Variants in DDX52 observed in about 807,000 individuals in gnomAD.
The protein encoded by DDX52 is DExD-box helicase 52.
Under a neutral mutation model 76.1 loss-of-function variants are expected in DDX52, and 59 were observed. The ratio of observed to expected loss-of-function variants is 0.78; its 90% confidence interval spans 0.63 to 0.96. The LOEUF (loss-of-function observed/expected upper bound fraction) is 0.96, where lower values mean the gene tolerates loss of function less well. Among genes scored for constraint, DDX52 ranks in the 40% least tolerant of loss-of-function variants. The pLI, the probability that DDX52 is intolerant of heterozygous loss-of-function variation, is 0.00. For missense variants in DDX52, 707 were observed against 703.9 expected, an observed-to-expected ratio of 1.00 and a Z score of -0.05; for synonymous variants, 231 against 244.1, an observed-to-expected ratio of 0.95 and a Z score of 0.50.
At chr17:37,622,228 T>C (rs2030136677) in intron 9 of DDX52, among the ~76,000 whole-genome samples, 1 of 152,132 alleles carries the variant, frequency 6.6e-6, no homozygotes, top group Admixed American at 6.5e-5. Flanking sequence ...ATTTACACTA[T>C]CAAACCCTTA....
Position 37,628,579 on chromosome 17 carries a change from T to G in DDX52, c.841A>C (p.Lys281Gln), listed in dbSNP as rs1277183948. Residue 281 changes from lysine (K) to glutamine (Q), a missense_variant, in exon 6 of 15, where the codon AAA (lysine) becomes CAA (glutamine). Lys to Gln is a moderately conservative substitution (Grantham distance 53). Transcript: ENST00000617633. ...AAVAAKKFGPKSSKKFDILVT... is the reference protein window; with the variant it reads ...AAVAAKKFGPQSSKKFDILVT... ...TCCTTACCAAACTTTTTAGATGATT[T>G]AGGTCCAAATTTCTTGGCTGCCACT... The G allele has an allele frequency of 8.1e-6, 13 of 1,612,788 alleles. No individual in the cohort carries two copies. The highest frequency in any genetic ancestry group is 1.7e-5 in the Admixed American group (1 of 59,852).
intron 6 of DDX52, 41 bp from the exon 7 acceptor site, chr17:37,626,901 T>G: frequency 6.5e-7 from 1 of 1,548,132 alleles, no homozygotes; most frequent in African/African-American, 1.4e-5. Context: ...AAAACAGGAT[T>G]TATCCCTCTT....
In DDX52 at chr17:37,628,674, T is replaced by TA. The variant is rs748612808; in HGVS notation, c.748-3dup. ...AATTTTTATTAACTCTCTGTGAATC[T>TA]AAAAAAAAAAAGATTAAAAACATTA... On this transcript the variant is annotated splice_polypyrimidine_tract_variant and splice_region_variant and intron_variant, in intron 5 of 14. Coordinates refer to ENST00000617633, the MANE Select transcript of DDX52 (RefSeq NM_007010.5). The TA allele has an allele frequency of 0.011, 13,773 of 1,238,434 alleles. No homozygotes were observed. Among genetic ancestry groups the TA allele is most frequent in the Non-Finnish European group, 0.012 (11,043 of 912,360 alleles). 76.7% of individuals were successfully genotyped at this position (1,238,434 alleles called of 1,614,324 possible). A position where few individuals can be genotyped will look rare whatever the true frequency, so the allele number is the denominator to read the frequency against.
intron 14 of DDX52, among the ~76,000 whole-genome samples, chr17:37,616,714 T>C (rs1270722986): frequency 3.3e-5 from 5 of 151,942 alleles, no homozygotes; most frequent in Non-Finnish European, 7.4e-5. Context: ...ACTGAATAAG[T>C]ACAAATGGAA....
intron 13 of DDX52, among the ~76,000 whole-genome samples, chr17:37,619,328 G>A (rs748662540): frequency 6.6e-6 from 1 of 152,124 alleles, no homozygotes; most frequent in Non-Finnish European, 1.5e-5. Flanking sequence ...GCAATGAGCT[G>A]AGACTTCATC....
At chr17:37,638,588 A>G (rs1463325447) in intron 2 of DDX52, among the ~76,000 whole-genome samples, 1 of 152,222 alleles carries the variant, frequency 6.6e-6, no homozygotes, top group South Asian at 2.1e-4. Context: ...ATTAGTCAAC[A>G]TAAGATAAAA....
intron 2 of DDX52, among the ~76,000 whole-genome samples, chr17:37,634,047 G>C (rs2030814487): frequency 6.7e-6 from 1 of 149,352 alleles, no homozygotes; most frequent in African/African-American, 2.5e-5. Flanking sequence ...CCTGGTTCAA[G>C]AAATTCTCTG....
intron 3 of DDX52, among the ~76,000 whole-genome samples, chr17:37,632,704 C>A (rs1568607404): frequency 6.6e-6 from 1 of 152,152 alleles, no homozygotes; most frequent in East Asian, 1.9e-4. Flanking sequence ...TGGTTTGTTT[C>A]CCCATTCTCT....
chr17:37,621,729 AT>A (rs1433908309), intron 9 of DDX52, among the ~76,000 whole-genome samples: 3 of 152,114 alleles, frequency 2.0e-5, no homozygotes, highest in Non-Finnish European at 2.9e-5. Context: ...TATATTCTCC[AT>A]CTTGCTAATT....
rs1434954303 is a variant in DDX52 at position 37,615,878 on chromosome 17, G to A, written c.1743-1525C>T. Among the ~76,000 whole-genome samples, 9 of 151,994 alleles carry A rather than the reference G, an allele frequency of 5.9e-5. 1 individual carries two copies. The highest frequency in any genetic ancestry group is 2.2e-4 in the African/African-American group (9 of 41,370). On this transcript the variant is annotated intron_variant, in intron 14 of 14. Coordinates refer to ENST00000617633, the MANE Select transcript of DDX52 (RefSeq NM_007010.5). ...AAAATACAAAAATTAGCTGGGCATG[G>A]TGGTGTGTGCCTGTAATCCCAGCTA...
At chr17:37,622,247 C>T (rs2030137561) in intron 9 of DDX52, among the ~76,000 whole-genome samples, 1 of 152,000 alleles carries the variant, frequency 6.6e-6, no homozygotes, top group African/African-American at 2.4e-5. Context: ...TACTCTCTCT[C>T]AAACCAGCTA....
chr17:37,633,518 T>TG (rs35952225), intron 2 of DDX52, 100 bp from the exon 3 acceptor site: 1,003 of 983,144 alleles, frequency 1.0e-3, no homozygotes, highest in Non-Finnish European at 1.2e-3. Flanking sequence ...CAAGGGTGGG[T>TG]GGTGGTGCAA....
chr17:37,618,103 A>C (rs548827131), intron 14 of DDX52, among the ~76,000 whole-genome samples, 189 bp downstream of exon 14: 5 of 152,202 alleles, frequency 3.3e-5, no homozygotes, highest in Non-Finnish European at 5.9e-5. Context: ...CGACAGTGCA[A>C]AACACTGTCT....
At chr17:37,634,233 G>A (rs2030823174) in intron 2 of DDX52, among the ~76,000 whole-genome samples, 1 of 151,904 alleles carries the variant, frequency 6.6e-6, no homozygotes, top group African/African-American at 2.4e-5. Context: ...ACAGGCGTGA[G>A]CCACCGTGCC....
intron 14 of DDX52, among the ~76,000 whole-genome samples, chr17:37,615,951 T>C (rs965985092): frequency 8.0e-5 from 12 of 150,104 alleles, no homozygotes; most frequent in African/African-American, 9.8e-5. Flanking sequence ...GAGGTGAAGG[T>C]TGCAGTGAGC....
chr17:37,619,637 A>G, intron 13 of DDX52, 131 bp downstream of exon 13: 1 of 727,204 alleles, frequency 1.4e-6, no homozygotes, highest in Non-Finnish European at 2.2e-6. Context: ...ACTTGAGCCT[A>G]GGAGATCAAG....
chr17:37,619,781 G>A lies in DDX52; in HGVS notation c.1636C>T (p.Gln546Ter). The change falls in exon 13 of 15, where the codon CAG becomes TAG. Residue 546 changes from glutamine (Q) to a stop codon, truncating the protein, a stop_gained. Transcript: ENST00000617633. LOFTEE classifies it high-confidence loss of function. ...TCAAGATTGTACCTTAGTAGTTTCT[G>A]AAAACCTTTTATGTATTCTGGTACA... ...CPVPEYIKGF[Q>*]KLLSKQKKKM... The A allele has an allele frequency of 6.2e-7, 1 of 1,613,498 alleles. No individual in the cohort carries two copies.
intron 6 of DDX52, among the ~76,000 whole-genome samples, chr17:37,628,085 C>A (rs938405628): frequency 5.3e-5 from 8 of 152,258 alleles, no homozygotes; most frequent in Admixed American, 3.9e-4. Flanking sequence ...CCACTGCACC[C>A]AGCTATGCAT....
At chr17:37,627,009 T>A in intron 6 of DDX52, 149 bp from the exon 7 acceptor site, 3 of 636,038 alleles carry the variant, frequency 4.7e-6, no homozygotes, top group Non-Finnish European at 8.2e-6. Context: ...ACTTTCCTTT[T>A]AATATATCTG....
Sources: gnomAD v4.1 joint callset for allele counts (sites outside exome capture counted in the v4.1 genomes callset) on GRCh38, gnomAD v4.1.1 for gene constraint, MANE v1.5 for transcripts, NCBI Gene and HGNC (gene_info 2026-07-23, HGNC 2026-07-21) for gene names.